MOSMO: variants seen among roughly 807,000 people sequenced by gnomAD.
MOSMO encodes modulator of smoothened, also known as modulator of smoothened protein.
A neutral mutation model predicts 18.4 loss-of-function variants in MOSMO; 5 were observed. That is an observed-to-expected ratio of 0.27 (90% CI 0.14 to 0.57). MOSMO has a LOEUF of 0.57. MOSMO is among the 20% of genes least tolerant of loss of function. The probability of loss-of-function intolerance (pLI) is 0.92; values close to 1 mark genes in which losing one functional copy is unlikely to be tolerated. For missense variants in MOSMO, 138 were observed against 211.8 expected (o/e 0.65, Z 2.16); for synonymous variants, 82 against 82.3 (o/e 1.00, Z 0.02).
intron 1 of MOSMO, 32 bp downstream of exon 1, chr16:22,008,439 G>A: frequency 2.4e-6 from 3 of 1,262,000 alleles, no homozygotes; most frequent in South Asian, 1.7e-5. Context: ...CCGGGCGGGG[G>A]ATTGGCTGAG....
intron 1 of MOSMO, chr16:22,064,241 T>C (rs1024371356): frequency 1.8e-5 from 8 of 453,760 alleles, no homozygotes; most frequent in Admixed American, 1.4e-4. Flanking sequence ...CATTAATGTT[T>C]AGTCTTTTTG....
intron 1 of MOSMO, among the ~76,000 whole-genome samples, chr16:22,009,804 C>CAAAAAAAAAAAAAAAAAAA (rs56313303): frequency 5.6e-5 from 2 of 35,962 alleles, no homozygotes; most frequent in African/African-American, 1.3e-4. Context: ...ACTAAAAATA[C>CAAAAAAAAAAAAAAAAAAA]AAAAAAAAAA....
intron 1 of MOSMO, among the ~76,000 whole-genome samples, chr16:22,045,512 CT>C (rs1485474913): frequency 2.0e-5 from 3 of 152,030 alleles, no homozygotes; most frequent in Non-Finnish European, 2.9e-5. Flanking sequence ...TAAAAATTTG[CT>C]TTTTGCATTT....
chr16:22,048,274 G>A (rs1215771797), intron 1 of MOSMO, among the ~76,000 whole-genome samples: 1 of 152,122 alleles, frequency 6.6e-6, no homozygotes, highest in Non-Finnish European at 1.5e-5. Context: ...CTCCCTCATA[G>A]GGTTGTGAAC....
chr16:22,023,875 G>A lies in MOSMO; in HGVS notation c.106+15468G>A, dbSNP rs1899815623. Reference sequence around the variant, plus strand: ...GACTGTATTGATACAGGCTACAGAGGTACTTACTCCTTTTCTGTGAACCTG... The same window carrying A: ...GACTGTATTGATACAGGCTACAGAGATACTTACTCCTTTTCTGTGAACCTG... On this transcript the variant is annotated intron_variant, in intron 1 of 2. Coordinates refer to ENST00000542527, the MANE Select transcript of MOSMO (RefSeq NM_001164579.2). Among the ~76,000 whole-genome samples the A allele has an allele frequency of 2.0e-5, 3 of 151,782 alleles. No homozygotes were observed. In the South Asian group the frequency reaches 6.3e-4, roughly 32 times the overall value.
At chr16:22,029,897 C>T (rs555023282) in intron 1 of MOSMO, among the ~76,000 whole-genome samples, 8 of 152,214 alleles carry the variant, frequency 5.3e-5, no homozygotes, top group South Asian at 2.1e-4. Flanking sequence ...CGAAGTGCTG[C>T]GATTACAGGC....
chr16:22,047,338 A>G (rs376936530), intron 1 of MOSMO, among the ~76,000 whole-genome samples: 1 of 145,236 alleles, frequency 6.9e-6, no homozygotes, highest in Non-Finnish European at 1.5e-5. Context: ...TCCGCCTCCC[A>G]GGTTCATGCC....
chr16:22,031,172 C>G (rs754005643), intron 1 of MOSMO, among the ~76,000 whole-genome samples: 3 of 151,910 alleles, frequency 2.0e-5, no homozygotes, highest in Non-Finnish European at 4.4e-5. Flanking sequence ...AAGGAAGGGC[C>G]GTAAGAATGT....
chr16:22,041,751 C>T (rs1900214225), intron 1 of MOSMO, among the ~76,000 whole-genome samples: 1 of 151,828 alleles, frequency 6.6e-6, no homozygotes, highest in Non-Finnish European at 1.5e-5. Flanking sequence ...AGTCATGGCT[C>T]ACTGCAGCCT....
chr16:22,029,259 C>A (rs754401818), intron 1 of MOSMO, among the ~76,000 whole-genome samples: 1 of 152,146 alleles, frequency 6.6e-6, no homozygotes, highest in African/African-American at 2.4e-5. Flanking sequence ...TGAAAGCATT[C>A]TTTCTCTGGG....
chr16:22,075,422 G>A, intron 1 of MOSMO, 65 bp from the exon 2 acceptor site: 1 of 1,099,078 alleles, frequency 9.1e-7, no homozygotes, highest in Non-Finnish European at 1.2e-6. Context: ...AAGGGGTGGT[G>A]GTGAGGAATA....
At chr16:22,067,279 G>C in intron 1 of MOSMO, among the ~76,000 whole-genome samples, 1 of 152,020 alleles carries the variant, frequency 6.6e-6, no homozygotes. Context: ...CTGAAGAAGA[G>C]AGAAAAAGGA....
chr16:22,075,745 A>G lies in MOSMO; in HGVS notation c.319+46A>G, dbSNP rs563392772. 12 of 1,336,120 alleles carry G rather than the reference A, an allele frequency of 9.0e-6. No individual in the cohort carries two copies. The South Asian group carries it at 1.5e-4, about 17-fold the overall frequency. 82.8% of individuals were successfully genotyped at this position (1,336,120 alleles called of 1,614,324 possible). On this transcript the variant is annotated intron_variant, in intron 2 of 2. Transcript: ENST00000542527. ...AAATTTGTCTAGAAGGCACCCACCC[A>G]CACTGGTATTTTTATGAAGATAATC...
intron 2 of MOSMO, among the ~76,000 whole-genome samples, chr16:22,079,665 A>C (rs1227044016): frequency 1.3e-5 from 2 of 152,242 alleles, no homozygotes; most frequent in African/African-American, 4.8e-5. Flanking sequence ...GGTATTCAGA[A>C]ACCAGACAGA....
intron 1 of MOSMO, among the ~76,000 whole-genome samples, chr16:22,062,875 T>G (rs1308564534): frequency 6.6e-6 from 1 of 152,136 alleles, no homozygotes; most frequent in Non-Finnish European, 1.5e-5. Context: ...TCTTTTGAGA[T>G]GAAGTCTTTC....
chr16:22,050,087 G>A (rs144078626), intron 1 of MOSMO, among the ~76,000 whole-genome samples: 30 of 152,288 alleles, frequency 2.0e-4, no homozygotes, highest in Non-Finnish European at 4.0e-4. Context: ...CCCTTCTTAA[G>A]CTAGAGTAAG....
At chr16:22,043,810 C>T (rs748906129) in intron 1 of MOSMO, among the ~76,000 whole-genome samples, 54 of 152,122 alleles carry the variant, frequency 3.5e-4, no homozygotes, top group African/African-American at 7.5e-4. Flanking sequence ...TAGGTAAGTT[C>T]GAGAAATTCT....
intron 1 of MOSMO, among the ~76,000 whole-genome samples, chr16:22,059,305 T>C (rs1052715617): frequency 4.6e-5 from 7 of 152,192 alleles, no homozygotes; most frequent in Non-Finnish European, 1.0e-4. Context: ...TCAGATGTAA[T>C]AAGGAAGGTT....
At chr16:22,024,476 T>A (rs1899834799) in intron 1 of MOSMO, among the ~76,000 whole-genome samples, 1 of 152,036 alleles carries the variant, frequency 6.6e-6, no homozygotes, top group Non-Finnish European at 1.5e-5. Flanking sequence ...GTGATTCTCC[T>A]GCCTCAGCCT....
Sources: allele counts gnomAD v4.1 joint callset (sites outside exome capture counted in the v4.1 genomes callset), GRCh38; gene constraint gnomAD v4.1.1; transcripts MANE v1.5; gene names NCBI Gene and HGNC (gene_info 2026-07-23, HGNC 2026-07-21).